MOB3B: variants seen among roughly 807,000 people sequenced by gnomAD.
MOB3B encodes MOB kinase activator-like 2B.
In MOB3B, 7 loss-of-function variants were observed where a neutral mutation model predicts 18.7. The ratio of observed to expected loss-of-function variants is 0.37; its 90% confidence interval spans 0.21 to 0.70. The LOEUF is 0.70. Among genes scored for constraint, MOB3B ranks in the 30% least tolerant of loss-of-function variants. The pLI is 0.52. For synonymous variants in MOB3B, 111 were observed against 99.9 expected, an observed-to-expected ratio of 1.11 and a Z score of -0.66; for missense variants, 253 against 281.3, an observed-to-expected ratio of 0.90 and a Z score of 0.72.
intron 1 of MOB3B, among the ~76,000 whole-genome samples, chr9:27,499,053 C>A (rs557003147): frequency 4.2e-4 from 64 of 152,180 alleles, no homozygotes; most frequent in Middle Eastern, 6.8e-3. Context: ...TAGAAAAGAA[C>A]CATGAATTTA....
intron 1 of MOB3B, among the ~76,000 whole-genome samples, chr9:27,497,538 T>A (rs1819920243): frequency 6.6e-6 from 1 of 152,016 alleles, no homozygotes; most frequent in Admixed American, 6.5e-5. Flanking sequence ...TGTAAAGAAA[T>A]AAACTCAGAA....
intron 2 of MOB3B, among the ~76,000 whole-genome samples, chr9:27,412,134 C>G (rs1475127203): frequency 7.3e-6 from 1 of 136,768 alleles, no homozygotes. Context: ...GTGATCAAAA[C>G]AAAACAAAAA....
At chr9:27,445,728 A>G (rs1381207315) in intron 2 of MOB3B, among the ~76,000 whole-genome samples, 2 of 152,070 alleles carry the variant, frequency 1.3e-5, no homozygotes, top group Non-Finnish European at 2.9e-5. Flanking sequence ...GAAGAGAGTG[A>G]TCCACAAGTA....
chr9:27,349,724 G>A (rs898373517), intron 3 of MOB3B, among the ~76,000 whole-genome samples: 4 of 152,180 alleles, frequency 2.6e-5, no homozygotes, highest in African/African-American at 9.7e-5. Flanking sequence ...CTGAGGTGGA[G>A]GTTCTGATGG....
At chr9:27,461,368 C>A (rs1247690786) in intron 1 of MOB3B, among the ~76,000 whole-genome samples, 1 of 152,206 alleles carries the variant, frequency 6.6e-6, no homozygotes, top group Non-Finnish European at 1.5e-5. Flanking sequence ...GCCATCTTTG[C>A]CCACAGGACA....
intron 1 of MOB3B, among the ~76,000 whole-genome samples, chr9:27,520,590 T>G (rs1467315835): frequency 3.3e-5 from 5 of 152,188 alleles, no homozygotes; most frequent in African/African-American, 1.2e-4. Context: ...ATCAGAGTGA[T>G]TATATGTGAG....
intron 2 of MOB3B, among the ~76,000 whole-genome samples, chr9:27,363,366 T>C (rs981855767): frequency 2.6e-5 from 4 of 152,166 alleles, no homozygotes; most frequent in African/African-American, 9.7e-5. Flanking sequence ...CCTCCCAGGT[T>C]CATGCCATTC....
chr9:27,370,744 A>G (rs1452792644), intron 2 of MOB3B, among the ~76,000 whole-genome samples: 3 of 152,170 alleles, frequency 2.0e-5, no homozygotes, highest in Admixed American at 1.3e-4. Context: ...GCTTGAATGG[A>G]CTAGGCCAGT....
chr9:27,395,331 G>T (rs986172970), intron 2 of MOB3B, among the ~76,000 whole-genome samples: 1 of 152,040 alleles, frequency 6.6e-6, no homozygotes. Context: ...AATGATATGA[G>T]TTGATTCGTG....
chr9:27,403,816 G>A (rs892834503), intron 2 of MOB3B, among the ~76,000 whole-genome samples: 5 of 152,032 alleles, frequency 3.3e-5, no homozygotes, highest in African/African-American at 1.2e-4. Context: ...ATACATAATA[G>A]TTGTACACAT....
intron 3 of MOB3B, among the ~76,000 whole-genome samples, chr9:27,334,040 C>T (rs1347445397): frequency 3.3e-5 from 5 of 152,192 alleles, no homozygotes; most frequent in Non-Finnish European, 5.9e-5. Flanking sequence ...TTGGGTATCT[C>T]CATCACTTTG....
At chr9:27,396,468 T>C (rs1408085760) in intron 2 of MOB3B, among the ~76,000 whole-genome samples, 1 of 152,170 alleles carries the variant, frequency 6.6e-6, no homozygotes, top group Non-Finnish European at 1.5e-5. Flanking sequence ...TAATAAATCC[T>C]GTTTCCTACT....
At chr9:27,453,616 T>C (rs1016363778) in intron 2 of MOB3B, among the ~76,000 whole-genome samples, 4 of 152,044 alleles carry the variant, frequency 2.6e-5, no homozygotes, top group African/African-American at 9.7e-5. Context: ...CTATGACTTC[T>C]GGTCAGTACT....
At chr9:27,423,627 G>T (rs1054534514) in intron 2 of MOB3B, among the ~76,000 whole-genome samples, 1 of 152,044 alleles carries the variant, frequency 6.6e-6, no homozygotes, top group African/African-American at 2.4e-5. Context: ...CTAACACTTG[G>T]GTCATAACAT....
At position 27,480,966 on chromosome 9, in the gene MOB3B, A is replaced by T. The variant is rs1304133402; in HGVS notation, c.-198-25218T>A. The stretch of plus-strand genomic sequence containing the variant: ...GGAGTTTGAAAAATTATATAGACTT[A>T]AAATACTCAAAAGACTAGTGTAAGA... On this transcript the variant is annotated intron_variant, in intron 1 of 3. Coordinates refer to ENST00000262244, the MANE Select transcript of MOB3B (RefSeq NM_024761.5). 1.3e-5 allele frequency among the ~76,000 whole-genome samples: 2 copies of T among 152,220 alleles called. 1 individual carries two copies. Among genetic ancestry groups the T allele is most frequent in the African/African-American group, 4.8e-5 (2 of 41,468 alleles).
intron 2 of MOB3B, among the ~76,000 whole-genome samples, chr9:27,424,095 A>T (rs758241176): frequency 1.3e-5 from 2 of 152,268 alleles, no homozygotes; most frequent in African/African-American, 2.4e-5. Context: ...CTACATACGC[A>T]TCTTAAAGCT....
chr9:27,514,685 T>C (rs546219571), intron 1 of MOB3B, among the ~76,000 whole-genome samples: 46 of 152,212 alleles, frequency 3.0e-4, no homozygotes, highest in Non-Finnish European at 6.0e-4. Context: ...TGTGTGACCA[T>C]GCTTTTCCCC....
chr9:27,373,847 G>A (rs558666985), intron 2 of MOB3B, among the ~76,000 whole-genome samples: 1 of 152,120 alleles, frequency 6.6e-6, no homozygotes, highest in Non-Finnish European at 1.5e-5. Context: ...ATTGAATTTG[G>A]CCAAAAGCCG....
chr9:27,415,281 T>C (rs995669035), intron 2 of MOB3B, among the ~76,000 whole-genome samples: 2 of 152,186 alleles, frequency 1.3e-5, no homozygotes, highest in African/African-American at 4.8e-5. Context: ...AAAAGTGAAA[T>C]GGTACTGTTT....
Sources: gnomAD v4.1 joint callset for allele counts (sites outside exome capture counted in the v4.1 genomes callset) on GRCh38, gnomAD v4.1.1 for gene constraint, MANE v1.5 for transcripts, NCBI Gene and HGNC (gene_info 2026-07-23, HGNC 2026-07-21) for gene names.